PVR: variants seen among roughly 807,000 people sequenced by gnomAD.
PVR encodes PVR cell adhesion molecule.
Under a neutral mutation model 43.3 loss-of-function variants are expected in PVR, and 39 were observed. That is an observed-to-expected ratio of 0.90 (90% CI 0.70 to 1.18). The LOEUF is 1.18. Ranked by LOEUF, PVR falls within the 50% of genes most tolerant of loss-of-function variation. PVR has a pLI of 0.00. For missense variants in PVR, 480 were observed against 549.7 expected (o/e 0.87, Z 1.27); for synonymous variants, 224 against 233.2 (o/e 0.96, Z 0.36).
intron 3 of PVR, 73 bp downstream of exon 3, chr19:44,650,178 C>T (rs1973241115): frequency 7.2e-7 from 1 of 1,383,824 alleles, no homozygotes; most frequent in East Asian, 2.5e-5. Context: ...ACTGACTCCC[C>T]AAGGCACTGT....
Position 44,657,894 on chromosome 19 carries a change from G to A in PVR, c.975G>A (p.Leu325=), listed in dbSNP as rs1301738148. 22 of 1,613,676 alleles carry A rather than the reference G, an allele frequency of 1.4e-5. No individual in the cohort carries two copies. Among genetic ancestry groups the A allele is most frequent in the Non-Finnish European group, 1.7e-5 (20 of 1,179,854 alleles). Residue 325 remains leucine (L), a synonymous_variant, in exon 5 of 8, where the codon CTG becomes CTA. Transcript: ENST00000425690. ...CCCTAGGAGCTCGCCAGGCAGAACT[G>A]ACCGTCCAGGTCAAAGGTGAGGAAC... ...TNALGARQAE[L]TVQVKEGPPS...
chr19:44,651,285 ACT>A (rs1267343602), intron 3 of PVR, among the ~76,000 whole-genome samples: 1 of 151,934 alleles, frequency 6.6e-6, no homozygotes, highest in Non-Finnish European at 1.5e-5. Context: ...GGGTGTTTTC[ACT>A]GTCTCCCATA....
chr19:44,654,121 T>G, intron 4 of PVR, 104 bp downstream of exon 4: 3 of 908,520 alleles, frequency 3.3e-6, no homozygotes, highest in Non-Finnish European at 3.3e-6. Context: ...GAGAAGGGGC[T>G]GGGGGCCCGG....
At chr19:44,659,925 A>C (rs1170700914) in intron 6 of PVR, among the ~76,000 whole-genome samples, 1 of 152,190 alleles carries the variant, frequency 6.6e-6, no homozygotes, top group African/African-American at 2.4e-5. Context: ...TGGGGAGAAG[A>C]AGCCAGATCT....
At chr19:44,656,993 AATT>A (rs57038387) in intron 4 of PVR, among the ~76,000 whole-genome samples, 22,852 of 151,898 alleles carry the variant, frequency 0.15, 3,325 homozygotes, top group African/African-American at 0.38. Flanking sequence ...TAATTAAATA[AATT>A]AAAGAGAAGG....
chr19:44,652,656 A>G (rs1473677254), intron 3 of PVR, among the ~76,000 whole-genome samples: 1 of 151,982 alleles, frequency 6.6e-6, no homozygotes, highest in Non-Finnish European at 1.5e-5. Context: ...TGCTGGGATT[A>G]CAGACGTGAG....
At chr19:44,655,214 A>G (rs1973408737) in intron 4 of PVR, among the ~76,000 whole-genome samples, 1 of 151,798 alleles carries the variant, frequency 6.6e-6, no homozygotes, top group Admixed American at 6.6e-5. Context: ...CCTCCTGAGT[A>G]GCTGGGACTA....
intron 2 of PVR, among the ~76,000 whole-genome samples, chr19:44,648,146 C>G (rs892998760): frequency 5.9e-5 from 9 of 152,180 alleles, no homozygotes; most frequent in Admixed American, 1.3e-4. Context: ...ATTCTAATTG[C>G]CTGTGATTCC....
chr19:44,656,322 C>T (rs1003520800), intron 4 of PVR, among the ~76,000 whole-genome samples: 9 of 152,170 alleles, frequency 5.9e-5, no homozygotes, highest in African/African-American at 1.9e-4. Flanking sequence ...AGCAGTTGTC[C>T]GTGGAAGGAA....
In PVR at chr19:44,647,342, G is replaced by A. The variant is rs1058402; in HGVS notation, c.199G>A (p.Ala67Thr). The A allele has an allele frequency of 0.059, 95,187 of 1,613,098 alleles. 4,055 individuals are homozygous for A. Among genetic ancestry groups the A allele is most frequent in the South Asian group, 0.16 (14,901 of 90,840 alleles). The change falls in exon 2 of 8, where the codon GCG becomes ACG. Residue 67 changes from alanine to threonine, a missense_variant. Ala to Thr is a moderately conservative substitution (Grantham distance 58). Transcript: ENST00000425690. ...GACGCATGTGTCACAGCTGACTTGGGCGCGGCATGGTGAATCTGGCAGCAT... is the reference window on the plus strand; with the variant it reads ...GACGCATGTGTCACAGCTGACTTGGACGCGGCATGGTGAATCTGGCAGCAT... The part of the protein sequence containing the change: ...EVTHVSQLTW[A>T]RHGESGSMAV...
rs1973005006 is a variant in PVR, at chr19:44,644,127, C to G, written c.31C>G (p.Leu11Val). 2.0e-6 allele frequency: 3 copies of G among 1,519,816 alleles called. No homozygotes were observed. In the East Asian group the frequency reaches 8.0e-5, roughly 40 times the overall value. 94.1% of individuals were successfully genotyped at this position (1,519,816 alleles called of 1,614,324 possible). ...CCGAGCCATGGCCGCCGCGTGGCCGCTGCTGCTGGTGGCGCTACTGGTGCT... is the reference window on the plus strand; with the variant it reads ...CCGAGCCATGGCCGCCGCGTGGCCGGTGCTGCTGGTGGCGCTACTGGTGCT... Reference protein sequence around the residue: MARAMAAAWPLLLVALLVLSW... With the variant: MARAMAAAWPVLLVALLVLSW... Residue 11 changes from leucine (L) to valine (V), a missense_variant, in exon 1 of 8, where the codon CTG becomes GTG. Coordinates refer to ENST00000425690, the MANE Select transcript of PVR (RefSeq NM_006505.5).
At chr19:44,658,931 C>A (rs771809411) in intron 6 of PVR, 31 bp downstream of exon 6, 27 of 1,604,938 alleles carry the variant, frequency 1.7e-5, no homozygotes, top group Non-Finnish European at 2.3e-5. Flanking sequence ...CGTAATTGAG[C>A]ACCTACTACG....
chr19:44,650,812 C>G (rs918477864), intron 3 of PVR, among the ~76,000 whole-genome samples: 1 of 152,116 alleles, frequency 6.6e-6, no homozygotes, highest in African/African-American at 2.4e-5. Context: ...ATCGGCCTGC[C>G]TCAGCCTCCC....
intron 3 of PVR, among the ~76,000 whole-genome samples, chr19:44,652,427 A>G (rs1424912994): frequency 6.6e-6 from 1 of 152,120 alleles, no homozygotes; most frequent in Non-Finnish European, 1.5e-5. Flanking sequence ...TCTGTCACCC[A>G]GGCTAGAGTG....
At chr19:44,653,182 C>T (rs2123758661) in intron 3 of PVR, among the ~76,000 whole-genome samples, 1 of 152,304 alleles carries the variant, frequency 6.6e-6, no homozygotes, top group South Asian at 2.1e-4. Context: ...ACTGGCCCGA[C>T]AATATAGCAT....
chr19:44,654,163 G>A, intron 4 of PVR, 146 bp downstream of exon 4: 1 of 607,948 alleles, frequency 1.6e-6, no homozygotes, highest in Non-Finnish European at 2.9e-6. Flanking sequence ...GAGGCTGGGA[G>A]CCCGGACTCC....
intron 1 of PVR, 146 bp from the exon 2 acceptor site, chr19:44,647,077 T>TCCCCCCCCCCCCCCCCCCCCCCC: frequency 6.4e-6 from 2 of 311,374 alleles, no homozygotes; most frequent in Non-Finnish European, 1.1e-5. Context: ...GTGCCCCAGT[T>TCCCCCCCCCCCCCCCCCCCCCCC]CCCCCTCCCC....
At chr19:44,647,844 A>G (rs191549954) in intron 2 of PVR, among the ~76,000 whole-genome samples, 13 of 151,886 alleles carry the variant, frequency 8.6e-5, no homozygotes, top group Non-Finnish European at 1.5e-4. Flanking sequence ...GAGGAGGGGT[A>G]TATTGGAAAG....
At chr19:44,652,052 G>T (rs1973295995) in intron 3 of PVR, among the ~76,000 whole-genome samples, 1 of 152,174 alleles carries the variant, frequency 6.6e-6, no homozygotes, top group South Asian at 2.1e-4. Flanking sequence ...AGCTACTCGG[G>T]AGACTGAGGC....
Sources: gnomAD v4.1 joint callset for allele counts (sites outside exome capture counted in the v4.1 genomes callset) on GRCh38, gnomAD v4.1.1 for gene constraint, MANE v1.5 for transcripts, NCBI Gene and HGNC (gene_info 2026-07-23, HGNC 2026-07-21) for gene names.